The following GTF2H1 variants were observed in gnomAD, a reference collection of about 807,000 sequenced individuals.
GTF2H1 encodes general transcription factor IIH subunit 1, also known as BTF2 p62.
GTF2H1 carries 16 observed loss-of-function variants against 71.2 expected under a neutral mutation model. That is an observed-to-expected ratio of 0.22 (90% CI 0.15 to 0.34). The LOEUF (loss-of-function observed/expected upper bound fraction) is 0.34. GTF2H1 is among the 10% of genes least tolerant of loss of function. The pLI is 1.00. For missense variants in GTF2H1, 498 were observed against 648.2 expected (o/e 0.77, Z 2.52); for synonymous variants, 215 against 219.0 (o/e 0.98, Z 0.16).
At chr11:18,326,342 C>T (rs192296926) in intron 1 of GTF2H1, among the ~76,000 whole-genome samples, 207 of 152,008 alleles carry the variant, frequency 1.4e-3, no homozygotes, top group Non-Finnish European at 2.3e-3. Context: ...GCCAACATGG[C>T]GAAACCCCAT....
intron 11 of GTF2H1, among the ~76,000 whole-genome samples, chr11:18,353,732 AT>A (rs1214284245): frequency 6.6e-6 from 1 of 152,136 alleles, no homozygotes; most frequent in Non-Finnish European, 1.5e-5. Context: ...TTTACTTTTT[AT>A]TTTGAAATCT....
intron 1 of GTF2H1, among the ~76,000 whole-genome samples, chr11:18,327,659 T>A (rs1411105292): frequency 6.6e-6 from 1 of 152,190 alleles, no homozygotes; most frequent in African/African-American, 2.4e-5. Flanking sequence ...AGTGCAGTGG[T>A]ATCATCACGG....
chr11:18,346,632 G>GT (rs1865299279), intron 7 of GTF2H1, among the ~76,000 whole-genome samples: 2 of 148,364 alleles, frequency 1.3e-5, no homozygotes, highest in Admixed American at 1.3e-4. Context: ...GCTTGGAAAA[G>GT]TTTATCTTGC....
chr11:18,327,841 G>A (rs184782799), intron 1 of GTF2H1, among the ~76,000 whole-genome samples: 10 of 152,264 alleles, frequency 6.6e-5, no homozygotes, highest in East Asian at 3.9e-4. Flanking sequence ...TGTCCGCCTC[G>A]GCTTCCTAAA....
rs1865834841 is a variant in GTF2H1, at chr11:18,366,771, T to C, written c.*902T>C. 3 of 152,582 alleles carry C rather than the reference T, an allele frequency of 2.0e-5. No homozygotes were observed. In the South Asian group the frequency reaches 6.2e-4, roughly 32 times the overall value. The allele number at this position is 152,582 out of a possible 1,614,324, so 9.5% of individuals were successfully genotyped here. ...TTATGAGTGAGAAATATTAAAAAAA[T>C]CTTATTTTCACCTCTTTAGAAGAAA... On this transcript the variant is annotated 3_prime_UTR_variant, in exon 15 of 15. Coordinates refer to ENST00000265963, the MANE Select transcript of GTF2H1 (RefSeq NM_005316.4).
At chr11:18,349,307 TAGAGA>T (rs552829868) in intron 9 of GTF2H1, among the ~76,000 whole-genome samples, 1 of 152,348 alleles carries the variant, frequency 6.6e-6, no homozygotes, top group South Asian at 2.1e-4. Flanking sequence ...ATAGAGAAGT[TAGAGA>T]AGAAATCTAT....
At chr11:18,345,499 C>CTTTTTT in intron 7 of GTF2H1, among the ~76,000 whole-genome samples, 1 of 135,026 alleles carries the variant, frequency 7.4e-6, no homozygotes, top group Non-Finnish European at 1.6e-5. Context: ...GCATATGGAT[C>CTTTTTT]TTTTTTTTTT....
At position 18,339,576 on chromosome 11, in the gene GTF2H1, C is replaced by T; in HGVS notation, c.526C>T (p.Pro176Ser). 1 of 1,612,506 alleles carries T rather than the reference C, an allele frequency of 6.2e-7. No homozygotes were observed. The highest frequency in any genetic ancestry group is 8.5e-7 in the Non-Finnish European group (1 of 1,178,622). The change falls in exon 5 of 15, where the codon CCC becomes TCC. Residue 176 changes from proline (P) to serine (S), a missense_variant. Coordinates refer to ENST00000265963, the MANE Select transcript of GTF2H1 (RefSeq NM_005316.4). ...GGCTTTGTTTTAGGCTGATGTCCGG[C>T]CCCAAACTGATGGCTGTAACGGTCT... ...ISAAFLADVR[P>S]QTDGCNGLRY...
rs1051750110 is a variant in GTF2H1 at position 18,322,618 on chromosome 11, T to A, written c.-138T>A. 6.6e-6 allele frequency: 1 copy of A among 152,194 alleles called. No individual in the cohort carries two copies. The highest frequency in any genetic ancestry group is 1.5e-5 in the Non-Finnish European group (1 of 68,050). 9.4% of individuals were successfully genotyped at this position (152,194 alleles called of 1,614,324 possible). On this transcript the variant is annotated 5_prime_UTR_variant, in exon 1 of 15. Coordinates refer to ENST00000265963, the MANE Select transcript of GTF2H1 (RefSeq NM_005316.4). ...CGAGACCCCCTAGTAACAGAGGCGGTGGCTACTGCTGCGGCCACTGGGTTT... is the reference window on the plus strand; with the variant it reads ...CGAGACCCCCTAGTAACAGAGGCGGAGGCTACTGCTGCGGCCACTGGGTTT...
intron 1 of GTF2H1, among the ~76,000 whole-genome samples, chr11:18,324,673 CCCTT>C (rs1401211721): frequency 1.3e-5 from 2 of 152,190 alleles, no homozygotes; most frequent in Non-Finnish European, 2.9e-5. Flanking sequence ...TGTCTTTGTG[CCCTT>C]CCTTTCTCTT....
chr11:18,340,162 T>A (rs987153863), intron 5 of GTF2H1, among the ~76,000 whole-genome samples: 2 of 152,128 alleles, frequency 1.3e-5, no homozygotes, highest in African/African-American at 4.8e-5. Context: ...TTGCCACCTC[T>A]ATGAAATCCT....
chr11:18,364,574 G>A (rs778179675), intron 14 of GTF2H1, among the ~76,000 whole-genome samples: 3 of 151,580 alleles, frequency 2.0e-5, no homozygotes, highest in East Asian at 3.9e-4. Context: ...CCTGGGCAAC[G>A]TAGTGAGACC....
chr11:18,331,764 C>A (rs556163154), intron 1 of GTF2H1, among the ~76,000 whole-genome samples: 2 of 152,098 alleles, frequency 1.3e-5, no homozygotes, highest in East Asian at 3.9e-4. Flanking sequence ...TAATCCCTGC[C>A]GTACTCCCCT....
intron 4 of GTF2H1, 144 bp from the exon 5 acceptor site, chr11:18,339,420 T>C: frequency 1.8e-6 from 1 of 561,190 alleles, no homozygotes; most frequent in Non-Finnish European, 3.2e-6. Flanking sequence ...CCTGCCTCTG[T>C]GCAAAAAGTG....
chr11:18,332,093 CG>C (rs4150554), intron 1 of GTF2H1, among the ~76,000 whole-genome samples: 110,441 of 152,104 alleles, frequency 0.73, 40,525 homozygotes, highest in East Asian at 0.97. Context: ...TCCCAAATTG[CG>C]GGGGGTTACA....
intron 13 of GTF2H1, among the ~76,000 whole-genome samples, chr11:18,358,902 G>C (rs2133988908): frequency 6.6e-6 from 1 of 152,226 alleles, no homozygotes; most frequent in East Asian, 1.9e-4. Context: ...AAGCCACTGT[G>C]AATAGAGACC....
In GTF2H1 at chr11:18,339,531, C is replaced by T. The variant is rs150749585; in HGVS notation, c.514-33C>T. The T allele has an allele frequency of 1.2e-5, 17 of 1,464,384 alleles. No individual in the cohort carries two copies. The African/African-American group carries it at 2.0e-4, about 17-fold the overall frequency. 90.7% of individuals were successfully genotyped at this position (1,464,384 alleles called of 1,614,324 possible). On this transcript the variant is annotated intron_variant, in intron 4 of 14. Coordinates refer to ENST00000265963, the MANE Select transcript of GTF2H1 (RefSeq NM_005316.4). ...ACCTGAGCCATCTTTCCCTGATGCT[C>T]TAACGTGTATGTGTGTATGGGCTTT...
At chr11:18,323,256 C>T (rs1198360599) in intron 1 of GTF2H1, among the ~76,000 whole-genome samples, 1 of 151,880 alleles carries the variant, frequency 6.6e-6, no homozygotes, top group Non-Finnish European at 1.5e-5. Context: ...TTTGTAAATC[C>T]CCCAGTGTTC....
intron 3 of GTF2H1, among the ~76,000 whole-genome samples, chr11:18,336,529 T>C (rs1865033111): frequency 6.6e-6 from 1 of 152,146 alleles, no homozygotes; most frequent in Non-Finnish European, 1.5e-5. Flanking sequence ...TTACTGCTTG[T>C]TTGACTTTGG....
Sources: allele counts gnomAD v4.1 joint callset (sites outside exome capture counted in the v4.1 genomes callset), GRCh38; gene constraint gnomAD v4.1.1; transcripts MANE v1.5; gene names NCBI Gene and HGNC (gene_info 2026-07-23, HGNC 2026-07-21).